The following YARS1 variants were observed in gnomAD, a reference collection of about 807,000 sequenced individuals.
YARS1 encodes tyrosine--tRNA ligase, cytoplasmic.
A neutral mutation model predicts 62.2 loss-of-function variants in YARS1; 36 were observed. The observed-to-expected ratio is 0.58, with a 90% CI of 0.44 to 0.76. The LOEUF (loss-of-function observed/expected upper bound fraction) is 0.76, where lower values mean the gene tolerates loss of function less well. Ranked by LOEUF, YARS1 falls within the 30% of genes least tolerant of loss-of-function variation. YARS1 has a pLI of 0.00. For missense variants in YARS1, 524 were observed against 639.8 expected (o/e 0.82, Z 1.95); for synonymous variants, 234 against 244.9 (o/e 0.96, Z 0.42).
chr1:32,806,584 G>C lies in YARS1; in HGVS notation c.408C>G (p.Leu136=). The C allele has an allele frequency of 6.2e-7, 1 of 1,614,164 alleles. No individual in the cohort carries two copies. Among genetic ancestry groups the C allele is most frequent in the Non-Finnish European group, 8.5e-7 (1 of 1,180,034 alleles). Reference sequence around the variant, plus strand: ...AATCGTGCTGTGTGACCACGGAGGAGAGTCTGTACACATCTAGTGTGTACT... The same window carrying C: ...AATCGTGCTGTGTGACCACGGAGGACAGTCTGTACACATCTAGTGTGTACT... ...SKEYTLDVYR[L]SSVVTQHDSK... is the part of the protein sequence containing the mutation. Residue 136 remains leucine, a synonymous_variant, in exon 4 of 13, where the codon CTC becomes CTG. Transcript: ENST00000373477.
At chr1:32,793,543 C>T (rs529794572) in intron 5 of YARS1, among the ~76,000 whole-genome samples, 3 of 152,204 alleles carry the variant, frequency 2.0e-5, no homozygotes, top group South Asian at 4.1e-4. Context: ...ACTTGGGAGG[C>T]TGAGGTGGGA....
intron 5 of YARS1, among the ~76,000 whole-genome samples, chr1:32,796,429 G>A (rs1490516126): frequency 6.6e-6 from 1 of 150,772 alleles, no homozygotes; most frequent in Non-Finnish European, 1.5e-5. Context: ...GTGATGGTGT[G>A]ATCATGGCTC....
chr1:32,803,958 C>T (rs1638374702), intron 4 of YARS1, among the ~76,000 whole-genome samples: 1 of 152,138 alleles, frequency 6.6e-6, no homozygotes, highest in African/African-American at 2.4e-5. Flanking sequence ...GAGCATGCTG[C>T]CTTCAAGCAT....
Position 32,776,045 on chromosome 1 carries a change from G to A in YARS1, c.1523C>T (p.Thr508Ile), listed in dbSNP as rs756253717. The A allele has an allele frequency of 2.5e-6, 4 of 1,614,144 alleles. No homozygotes were observed. Among genetic ancestry groups the A allele is most frequent in the Admixed American group, 1.7e-5 (1 of 60,016 alleles). ...SEECIAQWKQ[T>I]NFMTKLGSIS... is the part of the protein sequence containing the mutation. Reference sequence around the variant, plus strand: ...GGAGCCCAGCTTGGTCATGAAGTTGGTTTGCTTCCACTGTGCGATGCACTC... The same window carrying A: ...GGAGCCCAGCTTGGTCATGAAGTTGATTTGCTTCCACTGTGCGATGCACTC... The change falls in exon 13 of 13, where the codon ACC becomes ATC. Residue 508 changes from threonine to isoleucine, a missense_variant. Thr to Ile is a moderately conservative substitution (Grantham distance 89). Coordinates refer to ENST00000373477, the MANE Select transcript of YARS1 (RefSeq NM_003680.4). The surrounding 1 kb of genome is among the most constrained non-coding windows in gnomAD (Gnocchi z 4.0).
chr1:32,806,352 T>G, intron 4 of YARS1, 130 bp downstream of exon 4: 1 of 1,451,482 alleles, frequency 6.9e-7, no homozygotes, highest in East Asian at 2.3e-5. Context: ...GTACACAGGG[T>G]TGCCACACAC....
At chr1:32,816,877 A>T (rs954289831) in intron 1 of YARS1, 2 of 547,576 alleles carry the variant, frequency 3.7e-6, no homozygotes, top group Non-Finnish European at 6.6e-6. Flanking sequence ...CAGGCCCTTG[A>T]CGTATCCCCA....
At chr1:32,795,326 A>G (rs1653547142) in intron 5 of YARS1, among the ~76,000 whole-genome samples, 1 of 152,272 alleles carries the variant, frequency 6.6e-6, no homozygotes, top group East Asian at 1.9e-4. Flanking sequence ...CTCAAAAAAC[A>G]AAAAACAAAC....
chr1:32,810,478 T>C (rs1454158038), intron 3 of YARS1, 113 bp downstream of exon 3: 14 of 1,381,780 alleles, frequency 1.0e-5, no homozygotes, highest in Middle Eastern at 2.5e-4. Context: ...TGGTTCTTAA[T>C]AGGTCACGCC....
intron 1 of YARS1, 111 bp from the exon 2 acceptor site, chr1:32,811,168 C>A (rs1638576840): frequency 1.3e-6 from 2 of 1,527,468 alleles, no homozygotes; most frequent in South Asian, 2.3e-5. Context: ...AGGCTCAGAG[C>A]CATCAAGGAG....
At chr1:32,785,781 T>C (rs1653206086) in intron 8 of YARS1, among the ~76,000 whole-genome samples, 1 of 151,842 alleles carries the variant, frequency 6.6e-6, no homozygotes, top group East Asian at 1.9e-4. Context: ...ATGGGGTTTC[T>C]CCGTGTTGGT....
chr1:32,792,485 G>T (rs2148607121), intron 5 of YARS1, among the ~76,000 whole-genome samples: 1 of 152,184 alleles, frequency 6.6e-6, no homozygotes, highest in East Asian at 1.9e-4. Context: ...ACTAGAAATG[G>T]GAAGCAGAGA....
At chr1:32,812,129 C>G (rs1285066279) in intron 1 of YARS1, among the ~76,000 whole-genome samples, 1 of 152,198 alleles carries the variant, frequency 6.6e-6, no homozygotes, top group Non-Finnish European at 1.5e-5. Context: ...CAACAATCCT[C>G]CCACTTCAGC....
At chr1:32,802,845 C>T (rs1638333464) in intron 4 of YARS1, among the ~76,000 whole-genome samples, 1 of 152,136 alleles carries the variant, frequency 6.6e-6, no homozygotes, top group Non-Finnish European at 1.5e-5. Flanking sequence ...TGGAGTCTCA[C>T]TCTGTTACCC....
intron 4 of YARS1, among the ~76,000 whole-genome samples, chr1:32,801,277 T>C (rs1638287145): frequency 6.6e-6 from 1 of 152,000 alleles, no homozygotes; most frequent in Non-Finnish European, 1.5e-5. Context: ...AGCGATACTG[T>C]GGGTTCAGTT....
At chr1:32,785,559 ATCTT>A (rs1213535887) in intron 8 of YARS1, among the ~76,000 whole-genome samples, 1 of 151,316 alleles carries the variant, frequency 6.6e-6, no homozygotes, top group African/African-American at 2.4e-5. Flanking sequence ...AGTGGGGATT[ATCTT>A]TCTTTTTCTT....
intron 5 of YARS1, among the ~76,000 whole-genome samples, chr1:32,794,805 A>G (rs1371115821): frequency 8.6e-5 from 13 of 151,784 alleles, no homozygotes; most frequent in Non-Finnish European, 1.0e-4. Flanking sequence ...CAGGAGATGG[A>G]GACCAACCTG....
At chr1:32,788,170 GCA>G (rs907126760) in intron 6 of YARS1, among the ~76,000 whole-genome samples, 7 of 152,154 alleles carry the variant, frequency 4.6e-5, no homozygotes, top group African/African-American at 1.7e-4. Context: ...TTTGTTTATA[GCA>G]CACAAAATTG....
In YARS1 at chr1:32,782,511, G is replaced by GA; in HGVS notation, c.934dup (p.Ser312PhefsTer3). 1 of 1,614,082 alleles carries GA rather than the reference G, an allele frequency of 6.2e-7. No individual in the cohort carries two copies. Among genetic ancestry groups the GA allele is most frequent in the Non-Finnish European group, 8.5e-7 (1 of 1,180,032 alleles). ...CAACTTGTTCAGTGCGACTTCAACA[G>GA]AATTCTTCAGGTCTCCAGGATGTAC... On this transcript the variant is annotated frameshift_variant, in exon 9 of 13. Transcript: ENST00000373477. LOFTEE classifies it high-confidence loss of function.
At chr1:32,806,288 C>G (rs1453793981) in intron 4 of YARS1, among the ~76,000 whole-genome samples, 194 bp downstream of exon 4, 1 of 152,206 alleles carries the variant, frequency 6.6e-6, no homozygotes, top group African/African-American at 2.4e-5. Context: ...AAATGTAGCA[C>G]AGAGACACGA....
Sources: gnomAD v4.1 joint callset for allele counts (sites outside exome capture counted in the v4.1 genomes callset) on GRCh38, gnomAD v4.1.1 for gene constraint, Gnocchi (gnomAD v3.1) non-coding constraint, MANE v1.5 for transcripts, NCBI Gene and HGNC (gene_info 2026-07-23, HGNC 2026-07-21) for gene names.